Variants in RGS7 observed in about 807,000 individuals in gnomAD.
The protein encoded by RGS7 is regulator of G-protein signaling 7.
A neutral mutation model predicts 81.1 loss-of-function variants in RGS7; 27 were observed. The observed-to-expected ratio is 0.33, with a 90% CI of 0.25 to 0.46. RGS7 has a LOEUF of 0.46. Among genes scored for constraint, RGS7 ranks in the 20% least tolerant of loss-of-function variants. The pLI, the probability that RGS7 is intolerant of heterozygous loss-of-function variation, is 1.00. For synonymous variants in RGS7, 208 were observed against 207.7 expected (o/e 1.00, Z -0.01); for missense variants, 396 against 607.4 (o/e 0.65, Z 3.66).
At chr1:241,348,125 C>T (rs1558346151) in intron 2 of RGS7, among the ~76,000 whole-genome samples, 3 of 152,154 alleles carry the variant, frequency 2.0e-5, no homozygotes, top group Admixed American at 1.3e-4. Context: ...TCCAGGTCCT[C>T]AATAACACTC....
chr1:241,326,808 C>A (rs12037750), intron 2 of RGS7, among the ~76,000 whole-genome samples: 34,658 of 147,348 alleles, frequency 0.24, 4,359 homozygotes, highest in East Asian at 0.33. Flanking sequence ...TACTCAGGAG[C>A]CTGACGTGAG....
rs1219058469 is a variant in RGS7, at chr1:240,933,450, T to C, written c.334-2682A>G. ...ATGACTGTAAAATTAAAGCATAAAGTAATTTTTTCTTGTGATATTATGTGG... is the reference window on the plus strand; with the variant it reads ...ATGACTGTAAAATTAAAGCATAAAGCAATTTTTTCTTGTGATATTATGTGG... On this transcript the variant is annotated intron_variant, in intron 5 of 18. Coordinates refer to ENST00000440928, the MANE Select transcript of RGS7 (RefSeq NM_001364886.1). Among the ~76,000 whole-genome samples, 2 of 152,036 alleles carry C rather than the reference T, an allele frequency of 1.3e-5. 1 individual carries two copies. The highest frequency in any genetic ancestry group is 1.3e-4 in the Admixed American group (2 of 15,270).
chr1:241,307,759 C>A (rs1407831236), intron 2 of RGS7, among the ~76,000 whole-genome samples: 1 of 152,008 alleles, frequency 6.6e-6, no homozygotes, highest in Admixed American at 6.5e-5. Context: ...ATCTGACACA[C>A]AACAGATGCT....
At chr1:241,238,966 C>CTCTTTTTTTT (rs397786851) in intron 2 of RGS7, among the ~76,000 whole-genome samples, 1 of 106,620 alleles carries the variant, frequency 9.4e-6, no homozygotes, top group Non-Finnish European at 1.8e-5. Flanking sequence ...GCCTCTCTCT[C>CTCTTTTTTTT]TTTTTTTTTT....
intron 2 of RGS7, among the ~76,000 whole-genome samples, chr1:241,336,057 A>T (rs77572647): frequency 6.6e-5 from 10 of 152,092 alleles, no homozygotes; most frequent in African/African-American, 2.2e-4. Flanking sequence ...TTTATGAAGA[A>T]GACTTTTTTT....
rs1573487432 is a variant in RGS7 at position 241,280,582 on chromosome 1, G to A, written c.78+75117C>T. On this transcript the variant is annotated intron_variant, in intron 2 of 18. Transcript: ENST00000440928. Reference sequence around the variant, plus strand: ...GTGCAATCACAGCTCACTGCAGCCTGGACCTCCCATGCTAAAGCAATCCTC... The same window carrying A: ...GTGCAATCACAGCTCACTGCAGCCTAGACCTCCCATGCTAAAGCAATCCTC... Among the ~76,000 whole-genome samples, 4 of 152,314 alleles carry A rather than the reference G, an allele frequency of 2.6e-5. 1 individual carries two copies. Among genetic ancestry groups the A allele is most frequent in the Admixed American group, 2.6e-4 (4 of 15,294 alleles).
chr1:240,842,936 G>T (rs947841765), intron 9 of RGS7, among the ~76,000 whole-genome samples: 3 of 152,070 alleles, frequency 2.0e-5, no homozygotes, highest in African/African-American at 7.2e-5. Flanking sequence ...GCCTAGGCGG[G>T]TGGATCACCT....
intron 2 of RGS7, among the ~76,000 whole-genome samples, chr1:241,242,306 G>GTAGATAGATAGA (rs58976335): frequency 0.15 from 21,955 of 147,436 alleles, 1,751 homozygotes; most frequent in Middle Eastern, 0.22. Context: ...CTATGGATGA[G>GTAGATAGATAGA]TAGATAGATA....
chr1:241,327,775 T>C (rs1481286656), intron 2 of RGS7, among the ~76,000 whole-genome samples: 2 of 152,222 alleles, frequency 1.3e-5, no homozygotes, highest in African/African-American at 4.8e-5. Context: ...CAGATGTTTT[T>C]TAAACTCTTA....
At chr1:240,999,000 CTG>C (rs1336447044) in intron 3 of RGS7, among the ~76,000 whole-genome samples, 3 of 152,102 alleles carry the variant, frequency 2.0e-5, no homozygotes, top group Non-Finnish European at 4.4e-5. Flanking sequence ...TTTTGTCAGT[CTG>C]TTTTCTCTCC....
chr1:240,936,564 T>C (rs1676670221), intron 5 of RGS7, 36 bp downstream of exon 5: 1 of 1,474,728 alleles, frequency 6.8e-7, no homozygotes, highest in Non-Finnish European at 9.5e-7. Context: ...TGCGGGCTTC[T>C]AGTTTACTGT....
chr1:240,941,254 A>C (rs901843178), intron 4 of RGS7, among the ~76,000 whole-genome samples: 8 of 152,194 alleles, frequency 5.3e-5, no homozygotes, highest in Admixed American at 2.0e-4. Flanking sequence ...TGATCTTCTC[A>C]CAATGCTTAC....
chr1:241,169,880 A>G (rs553327845), intron 2 of RGS7, among the ~76,000 whole-genome samples: 1 of 152,080 alleles, frequency 6.6e-6, no homozygotes, highest in African/African-American at 2.4e-5. Flanking sequence ...AGCATCCTCA[A>G]TGCTTAGGAG....
chr1:241,292,327 TA>T (rs1383453219), intron 2 of RGS7, among the ~76,000 whole-genome samples: 1 of 152,218 alleles, frequency 6.6e-6, no homozygotes, highest in Non-Finnish European at 1.5e-5. Context: ...GTACTGTATG[TA>T]ATTGTATGTG....
chr1:241,050,874 G>C (rs989509123), intron 3 of RGS7, among the ~76,000 whole-genome samples: 1 of 152,004 alleles, frequency 6.6e-6, no homozygotes, highest in Admixed American at 6.6e-5. Flanking sequence ...TATAAAATAC[G>C]TGTCAATCAA....
chr1:240,845,783 G>A (rs920108313), intron 9 of RGS7, among the ~76,000 whole-genome samples: 8 of 152,176 alleles, frequency 5.3e-5, no homozygotes, highest in Non-Finnish European at 8.8e-5. Flanking sequence ...TTTGTAGAAA[G>A]AAATCCAGGT....
At chr1:241,160,382 G>A (rs147481347) in intron 2 of RGS7, among the ~76,000 whole-genome samples, 7 of 152,258 alleles carry the variant, frequency 4.6e-5, no homozygotes, top group African/African-American at 1.7e-4. Context: ...CCTCTTCCAA[G>A]TGAGAGACAA....
intron 18 of RGS7, among the ~76,000 whole-genome samples, chr1:240,783,403 C>T (rs774319406): frequency 3.3e-5 from 5 of 151,670 alleles, no homozygotes; most frequent in African/African-American, 7.3e-5. Flanking sequence ...GGATGGATCA[C>T]TTGCAGTCAT....
chr1:241,285,840 C>T (rs1326497329), intron 2 of RGS7, among the ~76,000 whole-genome samples: 9 of 152,258 alleles, frequency 5.9e-5, no homozygotes, highest in South Asian at 4.1e-4. Context: ...TCAGGTTACA[C>T]GCCCCATCTT....
Sources: gnomAD v4.1 joint callset for allele counts (sites outside exome capture counted in the v4.1 genomes callset) on GRCh38, gnomAD v4.1.1 for gene constraint, MANE v1.5 for transcripts, NCBI Gene and HGNC (gene_info 2026-07-23, HGNC 2026-07-21) for gene names.